CNTN3: variants seen among roughly 807,000 people sequenced by gnomAD.
CNTN3 encodes contactin 3.
CNTN3 carries 60 observed loss-of-function variants against 119.1 expected under a neutral mutation model. That is an observed-to-expected ratio of 0.50 (90% CI 0.41 to 0.62). CNTN3 has a LOEUF of 0.62. Ranked by LOEUF, CNTN3 falls within the 20% of genes least tolerant of loss-of-function variation. The pLI, the probability that CNTN3 is intolerant of heterozygous loss-of-function variation, is 0.00. For synonymous variants in CNTN3, 450 were observed against 438.7 expected, an observed-to-expected ratio of 1.03 and a Z score of -0.32; for missense variants, 1,101 against 1,242.4, an observed-to-expected ratio of 0.89 and a Z score of 1.71.
At chr3:74,564,975 C>G (rs1227064294) in intron 1 of CNTN3, among the ~76,000 whole-genome samples, 2 of 152,130 alleles carry the variant, frequency 1.3e-5, no homozygotes, top group Non-Finnish European at 2.9e-5. Flanking sequence ...ACCAAGTGAG[C>G]CATGGATCTA....
chr3:74,505,163 C>T (rs909674686), intron 2 of CNTN3, among the ~76,000 whole-genome samples: 2 of 152,014 alleles, frequency 1.3e-5, no homozygotes, highest in Non-Finnish European at 2.9e-5. Flanking sequence ...CTCATCTTAA[C>T]TAATGACATT....
At chr3:74,538,849 G>A (rs1349722287) in intron 1 of CNTN3, among the ~76,000 whole-genome samples, 1 of 151,954 alleles carries the variant, frequency 6.6e-6, no homozygotes, top group African/African-American at 2.4e-5. Context: ...CCCAACCCTT[G>A]CATTCACTAG....
intron 13 of CNTN3, among the ~76,000 whole-genome samples, chr3:74,314,404 G>T (rs1006200460): frequency 1.3e-5 from 2 of 152,088 alleles, no homozygotes; most frequent in Admixed American, 6.6e-5. Flanking sequence ...ATTACATGTT[G>T]TCTACAAAAA....
At chr3:74,516,204 C>CTCCTCTAGAAACTAA (rs1559642101) in intron 2 of CNTN3, among the ~76,000 whole-genome samples, 1 of 150,508 alleles carries the variant, frequency 6.6e-6, no homozygotes, top group African/African-American at 2.5e-5. Context: ...ACAACATGGG[C>CTCCTCTAGAAACTAA]AGGCCTGGAA....
intron 20 of CNTN3, among the ~76,000 whole-genome samples, chr3:74,272,555 C>T (rs1285342038): frequency 6.6e-6 from 1 of 152,118 alleles, no homozygotes; most frequent in Admixed American, 6.5e-5. Flanking sequence ...GAGGAATGCA[C>T]ATTGATAGGC....
chr3:74,609,684 C>T lies in CNTN3; in HGVS notation c.-81+4707G>A, dbSNP rs532198866. Among the ~76,000 whole-genome samples, 3 of 152,270 alleles carry T rather than the reference C, an allele frequency of 2.0e-5. No homozygotes were observed. In the South Asian group the frequency reaches 6.2e-4, roughly 32 times the overall value. On this transcript the variant is annotated intron_variant, in intron 1 of 22. Coordinates refer to ENST00000263665, the MANE Select transcript of CNTN3 (RefSeq NM_020872.3). The stretch of plus-strand genomic sequence containing the variant: ...GTCAGCTGCAGACTTCTGCTGAATA[C>T]GGACCTTCTTGACAGGATCTTTGGT...
intron 5 of CNTN3, among the ~76,000 whole-genome samples, chr3:74,413,748 C>T (rs1341858404): frequency 6.6e-6 from 1 of 152,136 alleles, no homozygotes; most frequent in Non-Finnish European, 1.5e-5. Context: ...ATGCATGATT[C>T]ATTCCACTCT....
chr3:74,373,157 G>C (rs1036597734), intron 5 of CNTN3, among the ~76,000 whole-genome samples: 2 of 152,142 alleles, frequency 1.3e-5, no homozygotes, highest in East Asian at 1.9e-4. Flanking sequence ...TGAAACAAAT[G>C]CATCTCAAAC....
chr3:74,273,774 C>G (rs1330366599), intron 20 of CNTN3, among the ~76,000 whole-genome samples: 9 of 152,176 alleles, frequency 5.9e-5, no homozygotes, highest in Non-Finnish European at 1.3e-4. Context: ...TCCAGCTGAA[C>G]TTTGTAACTA....
intron 18 of CNTN3, 25 bp downstream of exon 18, chr3:74,297,932 T>C (rs371989617): frequency 1.7e-5 from 26 of 1,532,066 alleles, no homozygotes; most frequent in East Asian, 1.6e-4. Flanking sequence ...TAGGCGGAAC[T>C]GATATACAGT....
intron 3 of CNTN3, among the ~76,000 whole-genome samples, chr3:74,492,213 C>G (rs538812247): frequency 9.9e-4 from 151 of 152,220 alleles, no homozygotes; most frequent in African/African-American, 3.5e-3. Flanking sequence ...ACTCATATTT[C>G]ACAAATCTAG....
chr3:74,382,186 C>G (rs753816452), intron 5 of CNTN3, among the ~76,000 whole-genome samples: 4 of 151,748 alleles, frequency 2.6e-5, no homozygotes, highest in Non-Finnish European at 5.9e-5. Flanking sequence ...CCAGCCTGGA[C>G]AAGAAGAGCA....
intron 1 of CNTN3, among the ~76,000 whole-genome samples, chr3:74,585,788 A>G (rs1216411175): frequency 6.6e-6 from 1 of 152,186 alleles, no homozygotes; most frequent in Admixed American, 6.6e-5. Flanking sequence ...TTCAAATAAT[A>G]AAGCTAAAAA....
chr3:74,314,341 T>C (rs1702775375), intron 13 of CNTN3, among the ~76,000 whole-genome samples: 1 of 152,158 alleles, frequency 6.6e-6, no homozygotes, highest in South Asian at 2.1e-4. Flanking sequence ...ATAATCTAAA[T>C]GCATCAATTA....
At chr3:74,605,404 T>C (rs1232582668) in intron 1 of CNTN3, among the ~76,000 whole-genome samples, 1 of 152,118 alleles carries the variant, frequency 6.6e-6, no homozygotes, top group Non-Finnish European at 1.5e-5. Context: ...TAAATATATA[T>C]AATTTTCCAA....
chr3:74,385,205 G>GA (rs1704716842), intron 5 of CNTN3, among the ~76,000 whole-genome samples: 1 of 152,132 alleles, frequency 6.6e-6, no homozygotes, highest in African/African-American at 2.4e-5. Context: ...GAGGAAATGT[G>GA]AAAAAAGGCA....
intron 1 of CNTN3, among the ~76,000 whole-genome samples, chr3:74,561,213 T>TA (rs141264048): frequency 0.068 from 10,094 of 149,208 alleles, 1,057 homozygotes; most frequent in African/African-American, 0.23. Context: ...AAATCTTACT[T>TA]AAAAAAAAAA....
At chr3:74,301,846 T>A (rs475988) in intron 14 of CNTN3, 41 bp from the exon 15 acceptor site, 3 of 1,599,012 alleles carry the variant, frequency 1.9e-6, no homozygotes, top group South Asian at 2.2e-5. Context: ...AGCAGTTCCA[T>A]AAATGTCATC....
chr3:74,582,649 T>C (rs996234813), intron 1 of CNTN3, among the ~76,000 whole-genome samples: 5 of 152,162 alleles, frequency 3.3e-5, no homozygotes, highest in African/African-American at 7.2e-5. Context: ...CTTTCTTCTT[T>C]AATAGGATGG....
Sources: allele counts gnomAD v4.1 joint callset (sites outside exome capture counted in the v4.1 genomes callset), GRCh38; gene constraint gnomAD v4.1.1; transcripts MANE v1.5; gene names NCBI Gene and HGNC (gene_info 2026-07-23, HGNC 2026-07-21).